DLG2: variants seen among roughly 807,000 people sequenced by gnomAD.
DLG2 encodes the protein discs large MAGUK scaffold protein 2, also known as disks large homolog 2.
In DLG2, 45 loss-of-function variants were observed where a neutral mutation model predicts 132.5. The ratio of observed to expected loss-of-function variants is 0.34; its 90% confidence interval spans 0.27 to 0.44. DLG2 has a LOEUF of 0.44. Ranked by LOEUF, DLG2 falls within the 20% of genes least tolerant of loss-of-function variation. The pLI is 1.00. For synonymous variants in DLG2, 424 were observed against 419.6 expected, an observed-to-expected ratio of 1.01 and a Z score of -0.13; for missense variants, 1,045 against 1,196.9, an observed-to-expected ratio of 0.87 and a Z score of 1.87.
intron 11 of DLG2, among the ~76,000 whole-genome samples, chr11:84,022,209 G>C (rs1006208341): frequency 6.6e-6 from 1 of 152,112 alleles, no homozygotes; most frequent in Admixed American, 6.6e-5. Flanking sequence ...CACAGGAAAA[G>C]CTTGTTAAAA....
At chr11:84,631,987 A>G (rs1195858389) in intron 6 of DLG2, among the ~76,000 whole-genome samples, 1 of 152,168 alleles carries the variant, frequency 6.6e-6, no homozygotes, top group Non-Finnish European at 1.5e-5. Flanking sequence ...CTAACATAAT[A>G]TATATTCAAT....
chr11:85,253,324 C>A (rs1342247210), intron 4 of DLG2, among the ~76,000 whole-genome samples: 1 of 152,158 alleles, frequency 6.6e-6, no homozygotes, highest in Admixed American at 6.5e-5. Context: ...GATGGTACTA[C>A]TCATAAAGTG....
chr11:84,458,895 T>A (rs2099072724), intron 7 of DLG2, among the ~76,000 whole-genome samples: 1 of 150,714 alleles, frequency 6.6e-6, no homozygotes, highest in South Asian at 2.1e-4. Context: ...GTACACGAAA[T>A]TCTTTACATG....
At chr11:85,087,844 C>CAAAAAAAAAAAAAAAAAAAAAAAA (rs71465019) in intron 6 of DLG2, among the ~76,000 whole-genome samples, 1 of 22,062 alleles carries the variant, frequency 4.5e-5, no homozygotes, top group Non-Finnish European at 1.1e-4. Context: ...GACTCCGTCT[C>CAAAAAAAAAAAAAAAAAAAAAAAA]AAAAAAAAAA....
intron 6 of DLG2, among the ~76,000 whole-genome samples, chr11:84,535,360 C>A (rs1348124633): frequency 1.3e-5 from 2 of 152,192 alleles, no homozygotes; most frequent in East Asian, 1.9e-4. Flanking sequence ...AGAAGCAGAG[C>A]TAGCTCTTTT....
At chr11:83,761,269 G>A (rs994822679) in intron 18 of DLG2, among the ~76,000 whole-genome samples, 3 of 152,070 alleles carry the variant, frequency 2.0e-5, no homozygotes, top group African/African-American at 7.2e-5. Flanking sequence ...GTCTAGGAGG[G>A]GTAACAATCC....
chr11:84,971,783 T>C (rs1207224783), intron 6 of DLG2, among the ~76,000 whole-genome samples: 2 of 152,140 alleles, frequency 1.3e-5, no homozygotes, highest in Non-Finnish European at 2.9e-5. Flanking sequence ...TAATTTCCAC[T>C]GTTAAATTTT....
intron 18 of DLG2, among the ~76,000 whole-genome samples, chr11:83,680,887 A>AAATGT (rs1484381057): frequency 7.1e-6 from 1 of 141,528 alleles, no homozygotes; most frequent in Non-Finnish European, 1.6e-5. Flanking sequence ...TGGTGAAAAA[A>AAATGT]ATGCATACAT....
At chr11:84,189,498 T>C (rs1255076392) in intron 8 of DLG2, among the ~76,000 whole-genome samples, 1 of 152,106 alleles carries the variant, frequency 6.6e-6, no homozygotes, top group Non-Finnish European at 1.5e-5. Context: ...TATAAATCAT[T>C]CTATTATAAA....
At chr11:83,959,360 T>C (rs775165049) in intron 14 of DLG2, among the ~76,000 whole-genome samples, 4 of 152,112 alleles carry the variant, frequency 2.6e-5, no homozygotes, top group Non-Finnish European at 5.9e-5. Context: ...TATGAATACA[T>C]GGAACAAAAG....
intron 6 of DLG2, among the ~76,000 whole-genome samples, chr11:84,965,413 A>G (rs2053183192): frequency 6.6e-6 from 1 of 152,130 alleles, no homozygotes; most frequent in Non-Finnish European, 1.5e-5. Context: ...ACTGAAGTGA[A>G]GAAATACAGC....
At chr11:84,988,091 A>G (rs2056695581) in intron 6 of DLG2, among the ~76,000 whole-genome samples, 1 of 152,170 alleles carries the variant, frequency 6.6e-6, no homozygotes, top group South Asian at 2.1e-4. Context: ...AAACATGAAT[A>G]GACAATTCTC....
intron 22 of DLG2, among the ~76,000 whole-genome samples, chr11:83,476,721 G>A (rs1403725521): frequency 6.6e-6 from 1 of 152,012 alleles, no homozygotes; most frequent in Admixed American, 6.6e-5. Context: ...AAAATGAATG[G>A]GATTCAGAAT....
At chr11:83,642,260 T>G (rs956230571) in intron 18 of DLG2, among the ~76,000 whole-genome samples, 1 of 152,234 alleles carries the variant, frequency 6.6e-6, no homozygotes, top group African/African-American at 2.4e-5. Context: ...AGAGTTCTGA[T>G]AAACAGAAAT....
chr11:84,394,443 C>A (rs1476496533), intron 7 of DLG2, among the ~76,000 whole-genome samples: 1 of 151,640 alleles, frequency 6.6e-6, no homozygotes, highest in Non-Finnish European at 1.5e-5. Flanking sequence ...ATATACACTG[C>A]CCTCTCTGCA....
At chr11:85,155,359 T>A (rs2077521583) in intron 4 of DLG2, among the ~76,000 whole-genome samples, 2 of 152,182 alleles carry the variant, frequency 1.3e-5, no homozygotes. Flanking sequence ...ATCGATGAAA[T>A]TGTGGCAGAC....
chr11:84,807,077 GT>G (rs1431503681), intron 6 of DLG2, among the ~76,000 whole-genome samples: 13 of 152,212 alleles, frequency 8.5e-5, no homozygotes. Flanking sequence ...TGCAAAAATT[GT>G]TCAAGTAACC....
intron 7 of DLG2, among the ~76,000 whole-genome samples, chr11:84,366,347 C>T (rs1212649766): frequency 5.3e-5 from 8 of 151,878 alleles, no homozygotes; most frequent in Non-Finnish European, 8.8e-5. Context: ...TGGTACCAGC[C>T]GCTGCAAAAT....
At chr11:85,186,176 T>G (rs1258662686) in intron 4 of DLG2, among the ~76,000 whole-genome samples, 1 of 151,916 alleles carries the variant, frequency 6.6e-6, no homozygotes, top group Non-Finnish European at 1.5e-5. Flanking sequence ...ACCACAATTG[T>G]GAGCCATAGT....
Sources: allele counts gnomAD v4.1 joint callset (sites outside exome capture counted in the v4.1 genomes callset), GRCh38; gene constraint gnomAD v4.1.1; transcripts MANE v1.5; gene names NCBI Gene and HGNC (gene_info 2026-07-23, HGNC 2026-07-21).